The following IMMP2L variants were observed in gnomAD, a reference collection of about 807,000 sequenced individuals.
IMMP2L encodes inner mitochondrial membrane peptidase subunit 2, also known as mitochondrial inner membrane protease subunit 2.
A neutral mutation model predicts 19.3 loss-of-function variants in IMMP2L; 18 were observed. That is an observed-to-expected ratio of 0.93 (90% CI 0.64 to 1.38). The LOEUF (loss-of-function observed/expected upper bound fraction) is 1.38. Ranked by LOEUF, IMMP2L falls within the 40% of genes most tolerant of loss-of-function variation. The pLI, the probability that IMMP2L is intolerant of heterozygous loss-of-function variation, is 0.00. For synonymous variants in IMMP2L, 76 were observed against 73.0 expected (o/e 1.04, Z -0.21); for missense variants, 233 against 218.2 (o/e 1.07, Z -0.43).
chr7:110,948,088 G>T (rs1817433425), intron 4 of IMMP2L, among the ~76,000 whole-genome samples: 1 of 152,162 alleles, frequency 6.6e-6, no homozygotes, highest in African/African-American at 2.4e-5. Context: ...CAACCAGGAG[G>T]ATGATCAATT....
At chr7:110,706,564 G>T (rs978066966) in intron 5 of IMMP2L, among the ~76,000 whole-genome samples, 1 of 152,152 alleles carries the variant, frequency 6.6e-6, no homozygotes, top group Non-Finnish European at 1.5e-5. Context: ...GGTGTGAGAT[G>T]ATATCTCACT....
At chr7:110,903,654 T>G (rs1435603462) in intron 4 of IMMP2L, among the ~76,000 whole-genome samples, 3 of 152,198 alleles carry the variant, frequency 2.0e-5, no homozygotes, top group Non-Finnish European at 4.4e-5. Context: ...TCCATTCACC[T>G]GCTGATTGAC....
intron 5 of IMMP2L, among the ~76,000 whole-genome samples, chr7:110,840,406 T>C (rs1166431383): frequency 1.3e-5 from 2 of 152,140 alleles, no homozygotes; most frequent in Admixed American, 1.3e-4. Flanking sequence ...CTATAACATA[T>C]AAAAATAAAC....
At chr7:111,171,676 C>G (rs1586676714) in intron 3 of IMMP2L, among the ~76,000 whole-genome samples, 1 of 151,222 alleles carries the variant, frequency 6.6e-6, no homozygotes, top group African/African-American at 2.4e-5. Flanking sequence ...GAAAATTTAC[C>G]AACATTCTAA....
intron 5 of IMMP2L, among the ~76,000 whole-genome samples, chr7:110,883,074 A>G (rs1267616797): frequency 6.6e-6 from 1 of 152,172 alleles, no homozygotes; most frequent in African/African-American, 2.4e-5. Context: ...TGGTTTTTAA[A>G]AAGTGAACAT....
chr7:111,266,409 G>T (rs189467688), intron 3 of IMMP2L, among the ~76,000 whole-genome samples: 41 of 152,074 alleles, frequency 2.7e-4, no homozygotes, highest in Non-Finnish European at 2.9e-5. Context: ...CAGGCATGGT[G>T]GCATATGCCT....
intron 4 of IMMP2L, among the ~76,000 whole-genome samples, chr7:110,908,891 A>G (rs1812750554): frequency 1.3e-5 from 2 of 152,246 alleles, no homozygotes; most frequent in Admixed American, 6.5e-5. Context: ...GCAAAAACCA[A>G]TACACTCTCA....
At chr7:110,744,896 TGA>T (rs1339307404) in intron 5 of IMMP2L, among the ~76,000 whole-genome samples, 11 of 152,150 alleles carry the variant, frequency 7.2e-5, no homozygotes, top group Non-Finnish European at 1.5e-4. Flanking sequence ...GGATAGAGAA[TGA>T]GTTTGACAAA....
At chr7:111,492,305 C>T (rs767597242) in intron 2 of IMMP2L, 11 of 710,026 alleles carry the variant, frequency 1.5e-5, no homozygotes, top group Non-Finnish European at 1.9e-5. Context: ...CCCACTCCAG[C>T]CCCCAAATAT....
At chr7:110,872,277 C>A (rs1387127325) in intron 5 of IMMP2L, among the ~76,000 whole-genome samples, 1 of 152,180 alleles carries the variant, frequency 6.6e-6, no homozygotes, top group Non-Finnish European at 1.5e-5. Context: ...TGGCTTTCTA[C>A]TTCTCGAAAG....
intron 5 of IMMP2L, among the ~76,000 whole-genome samples, chr7:110,697,248 C>T (rs1043061918): frequency 2.6e-5 from 4 of 152,068 alleles, no homozygotes; most frequent in Non-Finnish European, 5.9e-5. Context: ...ATGCTGGGTA[C>T]AAAAACAGAT....
intron 3 of IMMP2L, among the ~76,000 whole-genome samples, chr7:111,105,537 G>C (rs538041965): frequency 1.2e-4 from 18 of 151,926 alleles, no homozygotes; most frequent in African/African-American, 3.6e-4. Flanking sequence ...CACAAAAATG[G>C]GTTGCTGTAG....
At chr7:110,755,482 G>A (rs535557149) in intron 5 of IMMP2L, among the ~76,000 whole-genome samples, 1 of 152,084 alleles carries the variant, frequency 6.6e-6, no homozygotes, top group South Asian at 2.1e-4. Context: ...ACACAGATAT[G>A]CATATTGTGT....
chr7:111,243,656 T>C (rs1352894654), intron 3 of IMMP2L, among the ~76,000 whole-genome samples: 8 of 109,768 alleles, frequency 7.3e-5, no homozygotes, highest in Non-Finnish European at 1.5e-4. Context: ...CCCAATGCTA[T>C]CCCTCCCCCC....
chr7:111,287,073 CA>C (rs918049538), intron 3 of IMMP2L, among the ~76,000 whole-genome samples: 7 of 152,140 alleles, frequency 4.6e-5, no homozygotes, highest in Non-Finnish European at 1.0e-4. Context: ...AGGATCTCTG[CA>C]ATTGATTTTA....
At chr7:110,917,640 T>C (rs960120922) in intron 4 of IMMP2L, among the ~76,000 whole-genome samples, 4 of 152,290 alleles carry the variant, frequency 2.6e-5, no homozygotes, top group African/African-American at 9.6e-5. Context: ...CTTCTTTGCT[T>C]GCATGTACAT....
chr7:111,391,173 T>C (rs546021791), intron 3 of IMMP2L, among the ~76,000 whole-genome samples: 26 of 152,198 alleles, frequency 1.7e-4, no homozygotes, highest in Non-Finnish European at 3.2e-4. Context: ...AAAGAATCTC[T>C]AGGAAGCACA....
intron 3 of IMMP2L, among the ~76,000 whole-genome samples, chr7:111,327,880 A>AT (rs887155134): frequency 6.6e-6 from 1 of 151,602 alleles, no homozygotes; most frequent in African/African-American, 2.4e-5. Flanking sequence ...AAGGCTCCTG[A>AT]TTTCAGTGTG....
chr7:111,241,892 G>A (rs2129629820), intron 3 of IMMP2L, among the ~76,000 whole-genome samples: 1 of 151,960 alleles, frequency 6.6e-6, no homozygotes, highest in East Asian at 1.9e-4. Context: ...ATATTTGCAG[G>A]TATTGCTACG....
Sources: allele counts gnomAD v4.1 joint callset (sites outside exome capture counted in the v4.1 genomes callset), GRCh38; gene constraint gnomAD v4.1.1; transcripts MANE v1.5; gene names NCBI Gene and HGNC (gene_info 2026-07-23, HGNC 2026-07-21).